ADAMTS3: variants seen among roughly 807,000 people sequenced by gnomAD.
The protein encoded by ADAMTS3 is ADAM metallopeptidase with thrombospondin type 1 motif 3.
A neutral mutation model predicts 129.0 loss-of-function variants in ADAMTS3; 73 were observed. The ratio of observed to expected loss-of-function variants is 0.57; its 90% CI spans 0.47 to 0.69. The LOEUF is 0.69. Among genes scored for constraint, ADAMTS3 ranks in the 30% least tolerant of loss-of-function variants. The pLI, the probability that ADAMTS3 is intolerant of heterozygous loss-of-function variation, is 0.00. For synonymous variants in ADAMTS3, 477 were observed against 510.8 expected (o/e 0.93, Z 0.89); for missense variants, 1,457 against 1,514.5 (o/e 0.96, Z 0.63).
chr4:72,439,550 T>A (rs1489573915), intron 3 of ADAMTS3, among the ~76,000 whole-genome samples: 3 of 151,702 alleles, frequency 2.0e-5, no homozygotes, highest in African/African-American at 7.2e-5. Flanking sequence ...GTATAATGTT[T>A]TAATAATTCC....
At chr4:72,528,215 A>T (rs963501326) in intron 3 of ADAMTS3, among the ~76,000 whole-genome samples, 4 of 76,304 alleles carry the variant, frequency 5.2e-5, no homozygotes, top group African/African-American at 1.5e-4. Flanking sequence ...TTCTCTCTTT[A>T]AAAAAAAAAA....
intron 4 of ADAMTS3, among the ~76,000 whole-genome samples, chr4:72,363,308 C>T (rs537231170): frequency 2.6e-5 from 4 of 151,908 alleles, no homozygotes; most frequent in East Asian, 3.9e-4. Context: ...GAATTTGAAA[C>T]GGATGAAACG....
At chr4:72,305,585 C>T (rs549450794) in intron 16 of ADAMTS3, among the ~76,000 whole-genome samples, 13 of 151,818 alleles carry the variant, frequency 8.6e-5, no homozygotes, top group African/African-American at 3.1e-4. Context: ...TAGGAACCAA[C>T]CCCAGTTTCT....
intron 3 of ADAMTS3, among the ~76,000 whole-genome samples, chr4:72,508,211 A>C (rs1454942887): frequency 1.3e-5 from 2 of 152,130 alleles, no homozygotes; most frequent in Non-Finnish European, 2.9e-5. Flanking sequence ...TCTCCTCTCT[A>C]TAAATTACAG....
chr4:72,400,319 T>TGTGTGTGTATATAC (rs1721876506), intron 4 of ADAMTS3, among the ~76,000 whole-genome samples: 1 of 145,204 alleles, frequency 6.9e-6, no homozygotes, highest in African/African-American at 2.7e-5. Context: ...GCACACATGG[T>TGTGTGTGTATATAC]GTGTGTATAT....
Position 72,457,963 on chromosome 4 carries a change from TTGGGAGATTAAAGGACAGACAGCCCC to T in ADAMTS3, c.505-43018_505-42993del, listed in dbSNP as rs565966310. Among the ~76,000 whole-genome samples the T allele has an allele frequency of 7.5e-3, 1,137 of 151,570 alleles. 25 individuals carry two copies. Among genetic ancestry groups the T allele is most frequent in the African/African-American group, 0.026 (1,080 of 41,410 alleles). Reference sequence around the variant, plus strand: ...GGGGATGAGGCAAAGTGAAAACAGTTTGGGAGATTAAAGGACAGACAGCCCCTGGCACTGATTTTCTGCTTCCGTTT... The same window carrying T: ...GGGGATGAGGCAAAGTGAAAACAGTTTGGCACTGATTTTCTGCTTCCGTTT... On this transcript the variant is annotated intron_variant, in intron 3 of 21. Transcript: ENST00000286657.
At chr4:72,431,341 G>A (rs1181190039) in intron 3 of ADAMTS3, among the ~76,000 whole-genome samples, 1 of 151,958 alleles carries the variant, frequency 6.6e-6, no homozygotes, top group African/African-American at 2.4e-5. Flanking sequence ...TAAAATACTA[G>A]TGAGGACAAT....
At chr4:72,322,327 T>C (rs1298109065) in intron 6 of ADAMTS3, among the ~76,000 whole-genome samples, 1 of 152,188 alleles carries the variant, frequency 6.6e-6, no homozygotes, top group African/African-American at 2.4e-5. Flanking sequence ...GGATTAACTA[T>C]GGGAGAGAGA....
intron 3 of ADAMTS3, among the ~76,000 whole-genome samples, chr4:72,521,704 T>C (rs1720680439): frequency 2.0e-5 from 3 of 152,156 alleles, no homozygotes; most frequent in Admixed American, 6.5e-5. Context: ...CTCCAGCTTA[T>C]GTTAAATTCT....
At chr4:72,474,975 C>T (rs1269948629) in intron 3 of ADAMTS3, among the ~76,000 whole-genome samples, 1 of 149,460 alleles carries the variant, frequency 6.7e-6, no homozygotes, top group East Asian at 2.0e-4. Context: ...TGCAGTGAGC[C>T]GAGATCCCGC....
chr4:72,506,820 C>A (rs1242954642), intron 3 of ADAMTS3, among the ~76,000 whole-genome samples: 6 of 152,272 alleles, frequency 3.9e-5, no homozygotes. Context: ...TGGCTGTTTG[C>A]CCACATTTTC....
intron 3 of ADAMTS3, among the ~76,000 whole-genome samples, chr4:72,453,821 C>T (rs543637487): frequency 1.3e-5 from 2 of 151,050 alleles, no homozygotes; most frequent in East Asian, 3.9e-4. Flanking sequence ...AAGTAAGGTG[C>T]CAACTGAACA....
chr4:72,568,905 G>T lies in ADAMTS3; in HGVS notation c.-143C>A. On this transcript the variant is annotated 5_prime_UTR_variant, in exon 1 of 22. Transcript: ENST00000286657. ...AGAAAAAAATGATCTTCTGTGCTTT[G>T]CTTCAATGAAAATGAAATTTGAGCT... 1 of 659,630 alleles carries T rather than the reference G, an allele frequency of 1.5e-6. No individual in the cohort carries two copies. Among genetic ancestry groups the T allele is most frequent in the Non-Finnish European group, 2.6e-6 (1 of 383,298 alleles). 40.9% of individuals were successfully genotyped at this position (659,630 alleles called of 1,614,324 possible).
chr4:72,371,194 A>G (rs1720996045), intron 4 of ADAMTS3, among the ~76,000 whole-genome samples: 1 of 152,168 alleles, frequency 6.6e-6, no homozygotes, highest in Non-Finnish European at 1.5e-5. Flanking sequence ...CCAACAGACT[A>G]TGAGAGAATA....
At chr4:72,288,918 GCACATACACACACACACA>G in intron 20 of ADAMTS3, 50 bp from the exon 21 acceptor site, 3 of 564,484 alleles carry the variant, frequency 5.3e-6, no homozygotes, top group Admixed American at 5.5e-5. Flanking sequence ...CCAAGACCAT[GCACATACACACACACACA>G]CACACACACA....
At chr4:72,289,242 A>G (rs1718596723) in intron 20 of ADAMTS3, among the ~76,000 whole-genome samples, 2 of 152,206 alleles carry the variant, frequency 1.3e-5, no homozygotes, top group African/African-American at 2.4e-5. Context: ...ATATGAAAGA[A>G]GCCATGATTA....
At chr4:72,331,251 G>T (rs1719843452) in intron 5 of ADAMTS3, among the ~76,000 whole-genome samples, 1 of 152,102 alleles carries the variant, frequency 6.6e-6, no homozygotes, top group Non-Finnish European at 1.5e-5. Flanking sequence ...ATAAAAGGTG[G>T]CTGAATCGAC....
At chr4:72,474,797 C>T (rs575635402) in intron 3 of ADAMTS3, among the ~76,000 whole-genome samples, 8 of 151,882 alleles carry the variant, frequency 5.3e-5, no homozygotes, top group African/African-American at 9.7e-5. Flanking sequence ...GAGGCCGAGG[C>T]GGGTGGATCA....
intron 3 of ADAMTS3, among the ~76,000 whole-genome samples, chr4:72,474,173 G>T (rs553248089): frequency 6.6e-6 from 1 of 152,068 alleles, no homozygotes; most frequent in African/African-American, 2.4e-5. Flanking sequence ...AAAATCACTC[G>T]TCATATCAAG....
Sources: gnomAD v4.1 joint callset for allele counts (sites outside exome capture counted in the v4.1 genomes callset) on GRCh38, gnomAD v4.1.1 for gene constraint, MANE v1.5 for transcripts, NCBI Gene and HGNC (gene_info 2026-07-23, HGNC 2026-07-21) for gene names.